LRBA: variants seen among roughly 807,000 people sequenced by gnomAD.
LRBA encodes the protein LPS responsive beige-like anchor protein, also known as lipopolysaccharide-responsive and beige-like anchor protein.
A neutral mutation model predicts 330.0 loss-of-function variants in LRBA; 176 were observed. The ratio of observed to expected loss-of-function variants is 0.53; its 90% CI spans 0.47 to 0.60. The LOEUF (loss-of-function observed/expected upper bound fraction) is 0.60, where lower values mean the gene tolerates loss of function less well. LRBA is among the 20% of genes least tolerant of loss of function. The probability of loss-of-function intolerance (pLI) is 0.00; values close to 1 mark genes in which losing one functional copy is unlikely to be tolerated. For synonymous variants in LRBA, 1,230 were observed against 1,193.0 expected (o/e 1.03, Z -0.64); for missense variants, 3,259 against 3,444.8 (o/e 0.95, Z 1.35).
intron 17 of LRBA, among the ~76,000 whole-genome samples, chr4:150,882,791 C>A (rs62344581): frequency 0.014 from 2,113 of 152,226 alleles, 22 homozygotes; most frequent in Non-Finnish European, 0.02. Flanking sequence ...ACAATTTAAG[C>A]AGGGCATATG....
intron 37 of LRBA, among the ~76,000 whole-genome samples, chr4:150,655,502 G>C (rs1473365417): frequency 6.6e-6 from 1 of 152,168 alleles, no homozygotes; most frequent in Non-Finnish European, 1.5e-5. Flanking sequence ...GAATAAATAA[G>C]TGCATATGTA....
chr4:150,424,827 C>T (rs368076185), intron 46 of LRBA, among the ~76,000 whole-genome samples: 10 of 152,200 alleles, frequency 6.6e-5, no homozygotes, highest in African/African-American at 2.4e-4. Context: ...AGCGATATAA[C>T]AAAACATTGA....
In LRBA at chr4:150,928,904, TTGAAGATTCCG is replaced by T; in HGVS notation, c.367_377del (p.Arg123SerfsTer4). ...CAACAAGGCCTACTTCAGTGCAGACTTGAAGATTCCGTATGCTTTTCTTCAGAATGGCTGTA... is the reference window on the plus strand; with the variant it reads ...CAACAAGGCCTACTTCAGTGCAGACTTATGCTTTTCTTCAGAATGGCTGTA... On this transcript the variant is annotated frameshift_variant, in exon 3 of 57. Transcript: ENST00000651943. LOFTEE classifies it high-confidence loss of function. 1 of 1,614,162 alleles carries T rather than the reference TTGAAGATTCCG, an allele frequency of 6.2e-7. No homozygotes were observed.
chr4:150,701,547 T>G (rs1785124146), intron 36 of LRBA, among the ~76,000 whole-genome samples: 1 of 152,170 alleles, frequency 6.6e-6, no homozygotes, highest in African/African-American at 2.4e-5. Context: ...TCAGCTCCAT[T>G]AAAATCTCAT....
intron 28 of LRBA, among the ~76,000 whole-genome samples, chr4:150,834,992 G>C (rs545125617): frequency 6.6e-5 from 10 of 152,272 alleles, no homozygotes; most frequent in African/African-American, 2.4e-4. Flanking sequence ...TAAGGTGTAA[G>C]GAAGGGATCC....
At chr4:150,659,138 C>A (rs1201182716) in intron 37 of LRBA, among the ~76,000 whole-genome samples, 1 of 137,086 alleles carries the variant, frequency 7.3e-6, no homozygotes, top group Non-Finnish European at 1.6e-5. Context: ...CCGGCCGCCA[C>A]CCCGTCTGGG....
At chr4:150,917,713 G>A (rs1438981345) in intron 5 of LRBA, among the ~76,000 whole-genome samples, 4 of 152,058 alleles carry the variant, frequency 2.6e-5, no homozygotes, top group South Asian at 2.1e-4. Context: ...GATCATCTGC[G>A]GTCAGGAGTT....
intron 37 of LRBA, among the ~76,000 whole-genome samples, chr4:150,620,250 A>G (rs1028078403): frequency 1.3e-5 from 2 of 152,184 alleles, no homozygotes; most frequent in African/African-American, 4.8e-5. Context: ...TAAAACCACA[A>G]TGAGATACCA....
chr4:150,850,851 T>G lies in LRBA; in HGVS notation c.3877A>C (p.Asn1293His). 6.2e-7 allele frequency: 1 copy of G among 1,613,970 alleles called. No individual in the cohort carries two copies. The highest frequency in any genetic ancestry group is 8.5e-7 in the Non-Finnish European group (1 of 1,179,918). Residue 1293 changes from asparagine (N) to histidine (H), a missense_variant, in exon 24 of 57, where the codon AAT becomes CAT. Coordinates refer to ENST00000651943, the MANE Select transcript of LRBA (RefSeq NM_001364905.1). ...PGQGIAPDAVNGQRRDSRSTV... is the reference protein window; with the variant it reads ...PGQGIAPDAVHGQRRDSRSTV... ...GATCTGGAATCCCTCCTTTGTCCATTAACTGCATCTGGTGCTATTCCTTGC... is the reference window on the plus strand; with the variant it reads ...GATCTGGAATCCCTCCTTTGTCCATGAACTGCATCTGGTGCTATTCCTTGC...
intron 47 of LRBA, among the ~76,000 whole-genome samples, chr4:150,387,025 A>T (rs944264126): frequency 3.3e-5 from 5 of 151,898 alleles, no homozygotes; most frequent in Non-Finnish European, 7.4e-5. Flanking sequence ...AGTGATGTTG[A>T]GCTTTTTTTC....
Position 150,851,906 on chromosome 4 carries a change from T to C in LRBA, c.3804A>G (p.Gln1268=), listed in dbSNP as rs1458997493. The C allele has an allele frequency of 1.2e-6, 2 of 1,613,530 alleles. No homozygotes were observed. Among genetic ancestry groups the C allele is most frequent in the East Asian group, 2.2e-5 (1 of 44,864 alleles). ...TCACCTCAAGCACATGTCGATGAGGTTGAGGTGCTTCCACGTTGGGACTGG... is the reference window on the plus strand; with the variant it reads ...TCACCTCAAGCACATGTCGATGAGGCTGAGGTGCTTCCACGTTGGGACTGG... ...LKASPNVEAP[Q]PHRHVLEISR... The change falls in exon 23 of 57, where the codon CAA becomes CAG. Residue 1268 remains glutamine (Q), a synonymous_variant. Coordinates refer to ENST00000651943, the MANE Select transcript of LRBA (RefSeq NM_001364905.1).
At chr4:150,337,716 C>T (rs1013121819) in intron 48 of LRBA, among the ~76,000 whole-genome samples, 2 of 152,040 alleles carry the variant, frequency 1.3e-5, no homozygotes, top group East Asian at 1.9e-4. Context: ...ATCTTAACTT[C>T]GGTATTCAAT....
chr4:150,532,682 C>T (rs1764169353), intron 40 of LRBA, among the ~76,000 whole-genome samples: 1 of 151,964 alleles, frequency 6.6e-6, no homozygotes, highest in Non-Finnish European at 1.5e-5. Flanking sequence ...AAGTCTATAA[C>T]TGTCATATAA....
chr4:150,923,535 C>CCGCATAGCATATAAATATATGTATA, intron 4 of LRBA, among the ~76,000 whole-genome samples: 1 of 152,148 alleles, frequency 6.6e-6, no homozygotes, highest in Non-Finnish European at 1.5e-5. Flanking sequence ...TATACCTTTA[C>CCGCATAGCATATAAATATATGTATA]CGCATAGCAT....
At chr4:150,693,289 C>A (rs1017634814) in intron 36 of LRBA, among the ~76,000 whole-genome samples, 3 of 151,982 alleles carry the variant, frequency 2.0e-5, no homozygotes, top group Non-Finnish European at 2.9e-5. Flanking sequence ...AAGGGCCGGG[C>A]GCGGTGGCTC....
intron 44 of LRBA, among the ~76,000 whole-genome samples, chr4:150,465,350 G>A (rs922530133): frequency 1.3e-5 from 2 of 152,006 alleles, no homozygotes; most frequent in South Asian, 2.1e-4. Context: ...TGTGTGTCAC[G>A]CTGCTACAAA....
chr4:150,613,108 T>C (rs1052386632), intron 37 of LRBA, among the ~76,000 whole-genome samples: 1 of 152,080 alleles, frequency 6.6e-6, no homozygotes, highest in Admixed American at 6.6e-5. Flanking sequence ...AAATCAGGAA[T>C]GAAAAACTAA....
rs577227364 is a variant in LRBA at position 150,393,022 on chromosome 4, A to G, written c.7194+22416T>C. Among the ~76,000 whole-genome samples the G allele has an allele frequency of 5.9e-5, 9 of 151,912 alleles. 1 individual carries two copies. The South Asian group carries it at 1.0e-3, about 18-fold the overall frequency. ...CCCAGAACTTAAAGTTAAAAAAAAA[A>G]GGGGGGAGAATATGATTCCATCCAT... is the stretch of plus-strand genomic sequence containing the variant. On this transcript the variant is annotated intron_variant, in intron 47 of 56. Coordinates refer to ENST00000651943, the MANE Select transcript of LRBA (RefSeq NM_001364905.1).
intron 37 of LRBA, among the ~76,000 whole-genome samples, chr4:150,644,159 G>T (rs568101568): frequency 6.6e-6 from 1 of 151,982 alleles, no homozygotes; most frequent in African/African-American, 2.4e-5. Context: ...TTTTGTTTTA[G>T]AATTAAATGT....
Sources: gnomAD v4.1 joint callset for allele counts (sites outside exome capture counted in the v4.1 genomes callset) on GRCh38, gnomAD v4.1.1 for gene constraint, MANE v1.5 for transcripts, NCBI Gene and HGNC (gene_info 2026-07-23, HGNC 2026-07-21) for gene names.